The following ST6GAL1 variants were observed in gnomAD, a reference collection of about 807,000 sequenced individuals.
ST6GAL1 encodes the protein beta-galactoside alpha-2,6-sialyltransferase 1.
A neutral mutation model predicts 38.0 loss-of-function variants in ST6GAL1; 20 were observed. The ratio of observed to expected loss-of-function variants is 0.53; its 90% CI spans 0.37 to 0.77. The LOEUF (loss-of-function observed/expected upper bound fraction) is 0.77, where lower values mean the gene tolerates loss of function less well. Ranked by LOEUF, ST6GAL1 falls within the 30% of genes least tolerant of loss-of-function variation. The pLI, the probability that ST6GAL1 is intolerant of heterozygous loss-of-function variation, is 0.00. For missense variants in ST6GAL1, 432 were observed against 496.4 expected (o/e 0.87, Z 1.23); for synonymous variants, 196 against 188.2 (o/e 1.04, Z -0.34).
At chr3:187,048,955 A>G (rs1333651263) in intron 4 of ST6GAL1, among the ~76,000 whole-genome samples, 1 of 144,904 alleles carries the variant, frequency 6.9e-6, no homozygotes, top group Non-Finnish European at 1.5e-5. Context: ...CAGTGGCACA[A>G]TCTCGGCTCA....
Position 187,074,119 on chromosome 3 carries a change from C to T in ST6GAL1, c.805-40C>T, listed in dbSNP as rs760897108. On this transcript the variant is annotated intron_variant, in intron 6 of 7. Transcript: ENST00000169298. ...ACTCCTGGGGGGAGCAGCTCACTGG[C>T]CCATTTCTCCCTTGAGAGGACCACT... 6.5e-6 allele frequency: 10 copies of T among 1,547,164 alleles called. No individual in the cohort carries two copies. In the African/African-American group the frequency reaches 9.7e-5, roughly 15 times the overall value.
intron 2 of ST6GAL1, among the ~76,000 whole-genome samples, chr3:187,022,473 CAGT>C (rs933353499): frequency 2.7e-4 from 41 of 152,244 alleles, no homozygotes; most frequent in African/African-American, 9.6e-4. Context: ...GACTTGAAGT[CAGT>C]AGGAAGGAAT....
intron 4 of ST6GAL1, among the ~76,000 whole-genome samples, chr3:187,049,952 AAC>A (rs1162947180): frequency 2.0e-5 from 3 of 152,232 alleles, no homozygotes; most frequent in Non-Finnish European, 4.4e-5. Context: ...GTAAGATGAT[AAC>A]AGTTTGGACT....
chr3:186,996,312 A>G (rs891075876), intron 2 of ST6GAL1, among the ~76,000 whole-genome samples: 2 of 152,100 alleles, frequency 1.3e-5, no homozygotes, highest in African/African-American at 2.4e-5. Flanking sequence ...AATAATCCGG[A>G]TCTTATTTTG....
rs1293111090 is a variant in ST6GAL1 at position 186,952,140 on chromosome 3, G to A, written c.-324-11645G>A. Among the ~76,000 whole-genome samples, 3 of 152,176 alleles carry A rather than the reference G, an allele frequency of 2.0e-5. No homozygotes were observed. The highest frequency in any genetic ancestry group is 7.2e-5 in the African/African-American group (3 of 41,434). ...CTTCAGGAAGCTTTTACTCACGGCA[G>A]GAGGTGAAAAGGGAGGGGGTGTGCC... On this transcript the variant is annotated intron_variant, in intron 1 of 7. Coordinates refer to ENST00000169298, the MANE Select transcript of ST6GAL1 (RefSeq NM_173216.2). The surrounding 1 kb of genome is among the most constrained non-coding windows in gnomAD (Gnocchi z 4.1).
At chr3:187,044,413 T>C (rs1718228037) in intron 4 of ST6GAL1, among the ~76,000 whole-genome samples, 1 of 152,164 alleles carries the variant, frequency 6.6e-6, no homozygotes. Context: ...CAAAGAAAAG[T>C]AGGCCCAAAC....
In ST6GAL1 at chr3:187,074,455, G is replaced by T. The variant is rs190452227; in HGVS notation, c.979+122G>T. 1.5e-4 allele frequency: 164 copies of T among 1,109,026 alleles called. 1 individual carries two copies. The African/African-American group carries it at 2.3e-3, about 16-fold the overall frequency. The allele number at this position is 1,109,026 out of a possible 1,614,324, so 68.7% of individuals were successfully genotyped here. On this transcript the variant is annotated intron_variant, in intron 7 of 7. Transcript: ENST00000169298. ...TTCACTAAACAATTGCTAGGATTCT[G>T]CTCTGCTTGTAGACCATGCCAAGTT...
At position 187,063,319 on chromosome 3, in the gene ST6GAL1, A is replaced by G. The variant is rs1009960826; in HGVS notation, c.706-9530A>G. ...GGAGGCAGTCAGTATTAGAAGGATG[A>G]GAGGGCTTCTATTTTCTCTGCAAAG... On this transcript the variant is annotated intron_variant, in intron 5 of 7. Coordinates refer to ENST00000169298, the MANE Select transcript of ST6GAL1 (RefSeq NM_173216.2). Among the ~76,000 whole-genome samples, 6 of 152,166 alleles carry G rather than the reference A, an allele frequency of 3.9e-5. No homozygotes were observed. The South Asian group carries it at 8.3e-4, about 21-fold the overall frequency.
chr3:186,937,600 A>G (rs967582606), intron 1 of ST6GAL1, among the ~76,000 whole-genome samples: 2 of 152,026 alleles, frequency 1.3e-5, no homozygotes, highest in Non-Finnish European at 2.9e-5. Flanking sequence ...TTAGTTTTTT[A>G]GAAGCTCATA....
chr3:187,014,705 C>T (rs1232836602), intron 2 of ST6GAL1, among the ~76,000 whole-genome samples: 1 of 152,212 alleles, frequency 6.6e-6, no homozygotes, highest in Non-Finnish European at 1.5e-5. Context: ...CTGGCCTCTC[C>T]CATTTGCGGT....
At chr3:186,984,227 C>T (rs1335100631) in intron 2 of ST6GAL1, among the ~76,000 whole-genome samples, 1 of 152,224 alleles carries the variant, frequency 6.6e-6, no homozygotes, top group Non-Finnish European at 1.5e-5. Context: ...CCACTGCAAC[C>T]AGCTGGTCTA....
chr3:187,042,463 G>A (rs1267894434), intron 3 of ST6GAL1, among the ~76,000 whole-genome samples, 191 bp from the exon 4 acceptor site: 6 of 152,150 alleles, frequency 3.9e-5, no homozygotes, highest in Admixed American at 3.3e-4. Context: ...TGCTGTCCAC[G>A]TTCAAAGCCC....
At chr3:186,999,781 G>T (rs1416246369) in intron 2 of ST6GAL1, among the ~76,000 whole-genome samples, 1 of 152,034 alleles carries the variant, frequency 6.6e-6, no homozygotes, top group Non-Finnish European at 1.5e-5. Flanking sequence ...CAACAAACTT[G>T]GTGCTAAACT....
intron 2 of ST6GAL1, among the ~76,000 whole-genome samples, chr3:187,001,221 C>G (rs967980954): frequency 6.6e-6 from 1 of 152,158 alleles, no homozygotes; most frequent in Admixed American, 6.5e-5. Context: ...GTCCACAGCC[C>G]GAGGAAAGGG....
chr3:187,044,877 C>G (rs761431492), intron 4 of ST6GAL1, among the ~76,000 whole-genome samples: 100 of 152,314 alleles, frequency 6.6e-4, no homozygotes, highest in Middle Eastern at 3.4e-3. Context: ...CACAGAAGGA[C>G]TTTGATCCTG....
intron 2 of ST6GAL1, among the ~76,000 whole-genome samples, chr3:187,023,327 G>T (rs1717395222): frequency 6.6e-6 from 1 of 152,160 alleles, no homozygotes; most frequent in Admixed American, 6.5e-5. Context: ...AAGCACCACG[G>T]ATTTATGTTG....
At position 186,966,178 on chromosome 3, in the gene ST6GAL1, GT is replaced by G. The variant is rs369934904; in HGVS notation, c.-183+2253del. 1.1e-3 allele frequency among the ~76,000 whole-genome samples: 171 copies of G among 152,266 alleles called. 1 individual carries two copies. Among genetic ancestry groups the G allele is most frequent in the African/African-American group, 3.9e-3 (162 of 41,536 alleles). On this transcript the variant is annotated intron_variant, in intron 2 of 7. Transcript: ENST00000169298. ...GCCTCCCAACGTGCTGGGATTACAG[GT>G]GTGAGCCATCGTGCCCGACCTAACT... is the stretch of plus-strand genomic sequence containing the variant.
intron 1 of ST6GAL1, among the ~76,000 whole-genome samples, chr3:186,955,702 C>A (rs1714724138): frequency 6.6e-6 from 1 of 152,020 alleles, no homozygotes; most frequent in Non-Finnish European, 1.5e-5. Flanking sequence ...GGGATTTCAC[C>A]AGGTTGGCCA....
chr3:186,998,892 C>T (rs897556081), intron 2 of ST6GAL1, among the ~76,000 whole-genome samples: 11 of 152,138 alleles, frequency 7.2e-5, no homozygotes, highest in African/African-American at 9.7e-5. Context: ...TCAATAATCA[C>T]GTGAAAAGTT....
Sources: gnomAD v4.1 joint callset for allele counts (sites outside exome capture counted in the v4.1 genomes callset) on GRCh38, gnomAD v4.1.1 for gene constraint, Gnocchi (gnomAD v3.1) non-coding constraint, MANE v1.5 for transcripts, NCBI Gene and HGNC (gene_info 2026-07-23, HGNC 2026-07-21) for gene names.